Variants in SLC38A2 observed in about 807,000 individuals in gnomAD.
SLC38A2 encodes solute carrier family 38 member 2, also known as sodium-coupled neutral amino acid symporter 2.
In SLC38A2, 11 loss-of-function variants were observed where a neutral mutation model predicts 61.5. That is an observed-to-expected ratio of 0.18 (90% CI 0.11 to 0.30). The LOEUF (loss-of-function observed/expected upper bound fraction) is 0.30, where lower values mean the gene tolerates loss of function less well. Ranked by LOEUF, SLC38A2 falls within the 10% of genes least tolerant of loss-of-function variation. SLC38A2 has a pLI of 1.00. For synonymous variants in SLC38A2, 217 were observed against 212.5 expected (o/e 1.02, Z -0.18); for missense variants, 522 against 600.4 (o/e 0.87, Z 1.36).
intron 1 of SLC38A2, chr12:46,371,635 T>A: frequency 3.5e-6 from 1 of 287,954 alleles, no homozygotes; most frequent in Non-Finnish European, 6.5e-6. Flanking sequence ...TATTTCACCC[T>A]CTCTATTGTC....
rs539506931 is a variant in SLC38A2, at chr12:46,371,346, C to T, written c.-53G>A. The T allele has an allele frequency of 3.0e-4, 437 of 1,476,232 alleles. 2 individuals are homozygous for T. In the South Asian group the frequency reaches 4.5e-3, roughly 15 times the overall value. 91.4% of individuals were successfully genotyped at this position (1,476,232 alleles called of 1,614,324 possible). A position where few individuals can be genotyped will look rare whatever the true frequency, so the allele number is the denominator to read the frequency against. On this transcript the variant is annotated 5_prime_UTR_variant, in exon 2 of 16. Coordinates refer to ENST00000256689, the MANE Select transcript of SLC38A2 (RefSeq NM_018976.5). The stretch of plus-strand genomic sequence containing the variant: ...GCTAGTAGCGCTGGGCTCCTTTTGT[C>T]CTTGGCGGTGGGTGCAGCGGCCCGC...
rs997756784 is a variant in SLC38A2, at chr12:46,367,148, A to G, written c.409T>C (p.Leu137=). The G allele has an allele frequency of 1.9e-6, 3 of 1,613,790 alleles. No homozygotes were observed. In the African/African-American group the frequency reaches 4.0e-5, roughly 22 times the overall value. ...NEGGSLLYEQ[L]GYKAFGLVGK... ...ACTAATCCAAATGCCTTATATCCCA[A>G]TTGTTCATATAATAAAGACCCTACA... Residue 137 remains leucine, a synonymous_variant, in exon 6 of 16, where the codon TTG becomes CTG. Transcript: ENST00000256689.
At position 46,370,779 on chromosome 12, in the gene SLC38A2, T is replaced by G. The variant is rs1431361962; in HGVS notation, c.195A>C (p.Glu65Asp). 5 of 1,610,816 alleles carry G rather than the reference T, an allele frequency of 3.1e-6. No homozygotes were observed. Among genetic ancestry groups the G allele is most frequent in the Non-Finnish European group, 4.2e-6 (5 of 1,177,932 alleles). The change falls in exon 3 of 16, where the codon GAA (glutamate) becomes GAC (aspartate). Residue 65 changes from glutamate to aspartate, a missense_variant. Physicochemically the swap from Glu to Asp is conservative, Grantham distance 45. Transcript: ENST00000256689. ...CAAATTACTATTTTTAACTTACAAATTCTGTTTCATACTTCTTCTTCCCCA... is the reference window on the plus strand; with the variant it reads ...CAAATTACTATTTTTAACTTACAAAGTCTGTTTCATACTTCTTCTTCCCCA... ...SNLGKKKYET[E>D]FHPGTTSFGM...
At chr12:46,371,475 G>T in intron 1 of SLC38A2, 96 bp from the exon 2 acceptor site, 1 of 571,678 alleles carries the variant, frequency 1.7e-6, no homozygotes, top group Non-Finnish European at 3.1e-6. Context: ...TTCATCCCAG[G>T]CCAGGCGAGT....
In SLC38A2 at chr12:46,362,290, C is replaced by G; in HGVS notation, c.1416G>C (p.Lys472Asn). ...VKKEPMKSVQ[K>N]IGALFFLLSG... ...GTTATAATCTTTCACTCACCCCAAT[C>G]TTTTGTACAGATTTCATAGGTTCTT... Residue 472 changes from lysine to asparagine, a missense_variant, in exon 15 of 16, where the codon AAG (lysine) becomes AAC (asparagine). Physicochemically the swap from Lys to Asn is moderately conservative, Grantham distance 94. Coordinates refer to ENST00000256689, the MANE Select transcript of SLC38A2 (RefSeq NM_018976.5). The G allele has an allele frequency of 6.2e-7, 1 of 1,606,264 alleles. No individual in the cohort carries two copies. The highest frequency in any genetic ancestry group is 8.5e-7 in the Non-Finnish European group (1 of 1,176,606).
intron 4 of SLC38A2, among the ~76,000 whole-genome samples, chr12:46,368,352 C>T (rs1943160591): frequency 2.6e-5 from 4 of 152,088 alleles, no homozygotes; most frequent in Admixed American, 2.6e-4. Context: ...CTAAGCCTTT[C>T]CTCCCTTGAC....
intron 13 of SLC38A2, 141 bp downstream of exon 13, chr12:46,362,880 T>G: frequency 8.9e-7 from 1 of 1,122,750 alleles, no homozygotes; most frequent in Non-Finnish European, 1.2e-6. Flanking sequence ...TACACTGTAT[T>G]TTTAAAAAGC....
chr12:46,364,795 G>C, intron 8 of SLC38A2, 93 bp from the exon 9 acceptor site: 2 of 1,263,292 alleles, frequency 1.6e-6, no homozygotes, highest in Non-Finnish European at 2.2e-6. Flanking sequence ...ATTCTGCTGG[G>C]AAGACTTTAG....
Position 46,360,951 on chromosome 12 carries a change from C to G in SLC38A2, c.*160G>C. The G allele has an allele frequency of 1.7e-6, 1 of 575,718 alleles. No individual in the cohort carries two copies. Among genetic ancestry groups the G allele is most frequent in the Non-Finnish European group, 3.0e-6 (1 of 331,972 alleles). The allele number at this position is 575,718 out of a possible 1,614,324, so 35.7% of individuals were successfully genotyped here. On this transcript the variant is annotated 3_prime_UTR_variant, in exon 16 of 16. Coordinates refer to ENST00000256689, the MANE Select transcript of SLC38A2 (RefSeq NM_018976.5). The stretch of plus-strand genomic sequence containing the variant: ...AGATAAGTTTCTTAAAAAAACAAAA[C>G]AAAACAAAAAAGTTCACTTATTCTG...
rs1441533760 is a variant in SLC38A2, at chr12:46,372,722, G to C, written c.-300C>G. 6 of 398,364 alleles carry C rather than the reference G, an allele frequency of 1.5e-5. No homozygotes were observed. The highest frequency in any genetic ancestry group is 2.7e-5 in the Non-Finnish European group (6 of 225,952). The allele number at this position is 398,364 out of a possible 1,614,324, so 24.7% of individuals were successfully genotyped here. A position where few individuals can be genotyped will look rare whatever the true frequency, so the allele number is the denominator to read the frequency against. ...GCGTGCGGTAACGCGTGGTCGGGCT[G>C]CTGCTAGCAGTACTGGAAAGGCGTT... On this transcript the variant is annotated 5_prime_UTR_variant, in exon 1 of 16. Transcript: ENST00000256689.
At chr12:46,361,931 T>G (rs192913942) in intron 15 of SLC38A2, 1 of 175,830 alleles carries the variant, frequency 5.7e-6, no homozygotes, top group Non-Finnish European at 1.2e-5. Flanking sequence ...AGCCCTTCCT[T>G]CTCTTTTATA....
chr12:46,365,881 A>G lies in SLC38A2; in HGVS notation c.564-692T>C, dbSNP rs771802832. On this transcript the variant is annotated intron_variant, in intron 7 of 15. Transcript: ENST00000256689. ...CTTTTTCTTTTTAGGTAAATCATGA[A>G]TTGCACTGTCTTCTAAATCACTATT... Among the ~76,000 whole-genome samples the G allele has an allele frequency of 5.9e-5, 9 of 152,140 alleles. No individual in the cohort carries two copies. In the South Asian group the frequency reaches 8.3e-4, roughly 14 times the overall value.
intron 7 of SLC38A2, among the ~76,000 whole-genome samples, chr12:46,365,698 C>G (rs1943132273): frequency 6.7e-6 from 1 of 149,612 alleles, no homozygotes; most frequent in Admixed American, 6.6e-5. Flanking sequence ...AGGCAAACTG[C>G]CCCCCCCATA....
intron 2 of SLC38A2, 85 bp from the exon 3 acceptor site, chr12:46,370,942 C>A: frequency 1.9e-6 from 2 of 1,056,158 alleles, no homozygotes; most frequent in Non-Finnish European, 2.8e-6. Flanking sequence ...ATAAAATACC[C>A]TCCAACAGCA....
Position 46,371,389 on chromosome 12 carries a change from T to A in SLC38A2, c.-86-10A>T. 2 of 976,094 alleles carry A rather than the reference T, an allele frequency of 2.0e-6. No individual in the cohort carries two copies. Among genetic ancestry groups the A allele is most frequent in the Non-Finnish European group, 3.2e-6 (2 of 628,096 alleles). 60.5% of individuals were successfully genotyped at this position (976,094 alleles called of 1,614,324 possible). A position where few individuals can be genotyped will look rare whatever the true frequency, so the allele number is the denominator to read the frequency against. On this transcript the variant is annotated splice_polypyrimidine_tract_variant and intron_variant, in intron 1 of 15. Coordinates refer to ENST00000256689, the MANE Select transcript of SLC38A2 (RefSeq NM_018976.5). Reference sequence around the variant, plus strand: ...CGGCCCGCGAGTCGGCCTGCGAAAGTAGAGGCGGCGCGTCAGGACCGCAGC... The same window carrying A: ...CGGCCCGCGAGTCGGCCTGCGAAAGAAGAGGCGGCGCGTCAGGACCGCAGC...
In SLC38A2 at chr12:46,358,501, G is replaced by T. The variant is rs1239235148; in HGVS notation, c.*2610C>A. 1 of 152,496 alleles carries T rather than the reference G, an allele frequency of 6.6e-6. No individual in the cohort carries two copies. The highest frequency in any genetic ancestry group is 1.9e-4 in the East Asian group (1 of 5,196). The allele number at this position is 152,496 out of a possible 1,614,324, so 9.4% of individuals were successfully genotyped here. ...AGATTTCATGAAAAAATTTGATGTT[G>T]TTTATTGCAAATACAATTTAAACAA... On this transcript the variant is annotated 3_prime_UTR_variant, in exon 16 of 16. Transcript: ENST00000256689.
chr12:46,362,119 C>A, intron 15 of SLC38A2, 165 bp downstream of exon 15: 1 of 562,418 alleles, frequency 1.8e-6, no homozygotes, highest in Non-Finnish European at 3.1e-6. Flanking sequence ...TATCTTTCCC[C>A]TTCCCTCTGC....
At chr12:46,371,557 G>T (rs902022069) in intron 1 of SLC38A2, 178 bp from the exon 2 acceptor site, 11 of 448,156 alleles carry the variant, frequency 2.5e-5, no homozygotes, top group South Asian at 2.2e-4. Flanking sequence ...GCGGAGCCGC[G>T]GGGAGAACAA....
chr12:46,361,097 TTGAGTG>T lies in SLC38A2; in HGVS notation c.*8_*13del, dbSNP rs747754139. The T allele has an allele frequency of 1.2e-6, 2 of 1,607,594 alleles. No individual in the cohort carries two copies. Among genetic ancestry groups the T allele is most frequent in the African/African-American group, 2.7e-5 (2 of 74,706 alleles). On this transcript the variant is annotated 3_prime_UTR_variant, in exon 16 of 16. Transcript: ENST00000256689. The stretch of plus-strand genomic sequence containing the variant: ...GGCATCAGATGGACTGAGTTTGAGT[TTGAGTG>T]GTGCCAATTAATGGCCACCTCCAGG...
Sources: allele counts gnomAD v4.1 joint callset (sites outside exome capture counted in the v4.1 genomes callset), GRCh38; gene constraint gnomAD v4.1.1; transcripts MANE v1.5; gene names NCBI Gene and HGNC (gene_info 2026-07-23, HGNC 2026-07-21).